SLC14A2: variants seen among roughly 807,000 people sequenced by gnomAD.
SLC14A2 encodes urea transporter 2.
A neutral mutation model predicts 104.6 loss-of-function variants in SLC14A2; 91 were observed. The observed-to-expected ratio is 0.87, with a 90% confidence interval of 0.73 to 1.04. The LOEUF (loss-of-function observed/expected upper bound fraction) is 1.04, where lower values mean the gene tolerates loss of function less well. Ranked by LOEUF, SLC14A2 falls within the 50% of genes least tolerant of loss-of-function variation. SLC14A2 has a pLI of 0.00. For synonymous variants in SLC14A2, 476 were observed against 466.4 expected (o/e 1.02, Z -0.27); for missense variants, 1,189 against 1,156.0 (o/e 1.03, Z -0.41).
At chr18:45,461,669 G>GATATGACAT (rs1427859994) in intron 1 of SLC14A2, among the ~76,000 whole-genome samples, 1 of 152,150 alleles carries the variant, frequency 6.6e-6, no homozygotes, top group Non-Finnish European at 1.5e-5. Flanking sequence ...TTGCCTGTGT[G>GATATGACAT]ATATGACATG....
intron 1 of SLC14A2, among the ~76,000 whole-genome samples, chr18:45,238,387 G>A (rs1448813584): frequency 2.0e-5 from 3 of 152,346 alleles, no homozygotes; most frequent in Non-Finnish European, 4.4e-5. Flanking sequence ...CGGTTAGAGT[G>A]TAGAAAGCAA....
intron 1 of SLC14A2, among the ~76,000 whole-genome samples, chr18:45,251,881 T>C (rs895575027): frequency 2.0e-5 from 3 of 152,178 alleles, no homozygotes; most frequent in Non-Finnish European, 4.4e-5. Flanking sequence ...AAATAGAGTA[T>C]CTATGCAAAT....
chr18:45,571,761 G>A (rs1312167462), intron 2 of SLC14A2, among the ~76,000 whole-genome samples: 7 of 152,132 alleles, frequency 4.6e-5, no homozygotes, highest in Non-Finnish European at 8.8e-5. Context: ...CCAAGACAAC[G>A]GCAGTCTGAT....
chr18:45,351,528 T>A (rs1256394225), intron 1 of SLC14A2, among the ~76,000 whole-genome samples: 2 of 152,058 alleles, frequency 1.3e-5, no homozygotes, highest in African/African-American at 4.8e-5. Context: ...CTAATTTTGT[T>A]CATTTTTTTA....
chr18:45,286,718 T>C (rs1016053186), intron 1 of SLC14A2, among the ~76,000 whole-genome samples: 3 of 150,610 alleles, frequency 2.0e-5, no homozygotes, highest in African/African-American at 4.9e-5. Context: ...TCCCCCCAAC[T>C]TGTGTGTGTG....
At chr18:45,571,314 G>T (rs1028709910) in intron 2 of SLC14A2, among the ~76,000 whole-genome samples, 1 of 152,214 alleles carries the variant, frequency 6.6e-6, no homozygotes, top group Non-Finnish European at 1.5e-5. Context: ...GAGCCATGAG[G>T]GACTGTTGCT....
chr18:45,528,925 AG>A (rs2043639206), intron 2 of SLC14A2: 1 of 152,228 alleles, frequency 6.6e-6, no homozygotes, highest in Admixed American at 6.5e-5. Flanking sequence ...AGTTTAGACT[AG>A]AAGCTTCCAC....
intron 2 of SLC14A2, among the ~76,000 whole-genome samples, chr18:45,527,106 G>A (rs2043603449): frequency 6.6e-6 from 1 of 152,198 alleles, no homozygotes; most frequent in South Asian, 2.1e-4. Flanking sequence ...GCTGGTCAAT[G>A]ACAGAGCTAA....
At chr18:45,564,559 C>T (rs750612031) in intron 2 of SLC14A2, among the ~76,000 whole-genome samples, 5 of 152,182 alleles carry the variant, frequency 3.3e-5, no homozygotes, top group Non-Finnish European at 5.9e-5. Context: ...AACACAGCCC[C>T]AGCTCAACTG....
At chr18:45,374,983 C>T (rs2085759016) in intron 1 of SLC14A2, among the ~76,000 whole-genome samples, 1 of 152,100 alleles carries the variant, frequency 6.6e-6, no homozygotes, top group Non-Finnish European at 1.5e-5. Flanking sequence ...ATAAATAAAG[C>T]CTCAGATTTA....
chr18:45,594,140 G>T (rs2044691059), intron 2 of SLC14A2, among the ~76,000 whole-genome samples: 1 of 152,206 alleles, frequency 6.6e-6, no homozygotes. Flanking sequence ...GACTGCAAGA[G>T]TGCAAGGTTT....
chr18:45,248,098 G>C (rs1016416006), intron 1 of SLC14A2, among the ~76,000 whole-genome samples: 5 of 152,146 alleles, frequency 3.3e-5, no homozygotes, highest in Non-Finnish European at 7.3e-5. Context: ...GAAGATGGTA[G>C]CAGGATAATT....
At chr18:45,675,393 T>C (rs2046209034) in intron 18 of SLC14A2, among the ~76,000 whole-genome samples, 1 of 152,130 alleles carries the variant, frequency 6.6e-6, no homozygotes, top group Non-Finnish European at 1.5e-5. Flanking sequence ...TGGGCAGAGG[T>C]AGAGTCAACC....
intron 2 of SLC14A2, among the ~76,000 whole-genome samples, chr18:45,500,856 A>G (rs2043187201): frequency 6.6e-6 from 1 of 152,210 alleles, no homozygotes; most frequent in Non-Finnish European, 1.5e-5. Context: ...TTTTCACAGC[A>G]CTATGAGAAG....
intron 1 of SLC14A2, among the ~76,000 whole-genome samples, chr18:45,217,355 T>C (rs1026819462): frequency 6.6e-6 from 1 of 150,742 alleles, no homozygotes; most frequent in Non-Finnish European, 1.5e-5. Context: ...TATTCTATAA[T>C]ATGTAATATA....
chr18:45,274,975 T>A (rs1204314353), intron 1 of SLC14A2, among the ~76,000 whole-genome samples: 2 of 152,226 alleles, frequency 1.3e-5, no homozygotes, highest in Non-Finnish European at 2.9e-5. Context: ...ATGCGTTGAC[T>A]GAATTATCTT....
At chr18:45,624,949 C>T in intron 2 of SLC14A2, 135 bp downstream of exon 2, 1 of 838,376 alleles carries the variant, frequency 1.2e-6, no homozygotes. Flanking sequence ...ATGGTGACAC[C>T]CATGGTGGGT....
chr18:45,278,722 C>T (rs2084730140), intron 1 of SLC14A2, among the ~76,000 whole-genome samples: 1 of 152,116 alleles, frequency 6.6e-6, no homozygotes, highest in African/African-American at 2.4e-5. Context: ...TCCACAAATA[C>T]TATATTTTCA....
chr18:45,225,372 C>A (rs957874500), intron 1 of SLC14A2, among the ~76,000 whole-genome samples: 5 of 152,026 alleles, frequency 3.3e-5, no homozygotes, highest in Non-Finnish European at 7.4e-5. Context: ...GTTACCAGTA[C>A]CATGCTGTTT....
Sources: gnomAD v4.1 joint callset for allele counts (sites outside exome capture counted in the v4.1 genomes callset) on GRCh38, gnomAD v4.1.1 for gene constraint, MANE v1.5 for transcripts, NCBI Gene and HGNC (gene_info 2026-07-23, HGNC 2026-07-21) for gene names.